Variants in NOA1 observed in about 807,000 individuals in gnomAD.
NOA1 encodes the protein nitric oxide-associated protein 1.
A neutral mutation model predicts 58.4 loss-of-function variants in NOA1; 35 were observed. That is an observed-to-expected ratio of 0.60 (90% CI 0.46 to 0.79). The LOEUF (loss-of-function observed/expected upper bound fraction) is 0.79, where lower values mean the gene tolerates loss of function less well. Ranked by LOEUF, NOA1 falls within the 30% of genes least tolerant of loss-of-function variation. NOA1 has a pLI of 0.00. For synonymous variants in NOA1, 397 were observed against 373.4 expected (o/e 1.06, Z -0.73); for missense variants, 895 against 894.6 (o/e 1.00, Z -0.01).
intron 1 of NOA1, 52 bp from the exon 2 acceptor site, chr4:56,974,074 A>ATTTGTT: frequency 8.7e-7 from 1 of 1,151,454 alleles, no homozygotes. Flanking sequence ...AGGGGGAAGA[A>ATTTGTT]AATGAACATT....
At position 56,977,577 on chromosome 4, in the gene NOA1, G is replaced by C. The variant is rs763229987; in HGVS notation, c.9C>G (p.Pro3=). The change falls in exon 1 of 7, where the codon CCC becomes CCG. Residue 3 remains proline, a synonymous_variant. Transcript: ENST00000264230. ...TCAGCAGCCTGAACGGTAGGCGAGC[G>C]GGCAGCATGAGGAAGTAGCTCCAAA... The part of the protein sequence containing the change: ML[P]ARLPFRLLSL... The C allele has an allele frequency of 2.5e-6, 4 of 1,584,680 alleles. No individual in the cohort carries two copies. The highest frequency in any genetic ancestry group is 3.4e-6 in the Non-Finnish European group (4 of 1,164,416).
At position 56,976,847 on chromosome 4, in the gene NOA1, C is replaced by T. The variant is rs556714564; in HGVS notation, c.739G>A (p.Gly247Arg). The change falls in exon 1 of 7, where the codon GGA (glycine) becomes AGA (arginine). Residue 247 changes from glycine to arginine, a missense_variant. By Grantham distance (125) the Gly-to-Arg change is moderately radical (BLOSUM62 -2). Coordinates refer to ENST00000264230, the MANE Select transcript of NOA1 (RefSeq NM_032313.4). Reference protein sequence around the residue: ...LVGPKQLIVLGNKVDLLPQDA... With the variant: ...LVGPKQLIVLRNKVDLLPQDA... ...TGGGGCAGGAGGTCCACTTTGTTTC[C>T]CAGCACGATCAGCTGCTTGGGGCCC... The T allele has an allele frequency of 6.2e-7, 1 of 1,613,172 alleles. No individual in the cohort carries two copies. Among genetic ancestry groups the T allele is most frequent in the East Asian group, 2.2e-5 (1 of 44,846 alleles).
Position 56,968,527 on chromosome 4 carries a change from A to C in NOA1, c.1516-12T>G. Reference sequence around the variant, plus strand: ...AGAAGATTTAAAATCTGTGAAGCAAATGGCAGATTTTTAAGAAAATACTTT... The same window carrying C: ...AGAAGATTTAAAATCTGTGAAGCAACTGGCAGATTTTTAAGAAAATACTTT... On this transcript the variant is annotated splice_polypyrimidine_tract_variant and intron_variant, in intron 3 of 6. Transcript: ENST00000264230. The C allele has an allele frequency of 6.4e-7, 1 of 1,553,630 alleles. No homozygotes were observed.
At chr4:56,973,499 C>A in intron 2 of NOA1, 146 bp from the exon 3 acceptor site, 1 of 707,640 alleles carries the variant, frequency 1.4e-6, no homozygotes, top group Non-Finnish European at 2.3e-6. Flanking sequence ...TTTTTTTTTC[C>A]AAAAAGCAGT....
At position 56,976,481 on chromosome 4, in the gene NOA1, A is replaced by G; in HGVS notation, c.1105T>C (p.Ser369Pro). ...ATGGTGGCTCTGTCGATGGCCTCGG[A>G]GCCCTTGGCAGTGCAGTAATCGGAC... ...LESDYCTAKG[S>P]EAIDRATISP... The change falls in exon 1 of 7, where the codon TCC becomes CCC. Residue 369 changes from serine (S) to proline (P), a missense_variant. Ser to Pro is a moderately conservative substitution (Grantham distance 74, BLOSUM62 -1). Transcript: ENST00000264230. 1.2e-6 allele frequency: 2 copies of G among 1,614,098 alleles called. No individual in the cohort carries two copies. Among genetic ancestry groups the G allele is most frequent in the Non-Finnish European group, 1.7e-6 (2 of 1,179,948 alleles).
chr4:56,966,824 C>A, intron 4 of NOA1, 88 bp from the exon 5 acceptor site: 1 of 819,862 alleles, frequency 1.2e-6, no homozygotes, highest in Non-Finnish European at 2.0e-6. Flanking sequence ...AAAAACAAAC[C>A]AAAAAACAAA....
rs770200777 is a variant in NOA1, at chr4:56,977,148, T to C, written c.438A>G (p.Ala146=). Residue 146 remains alanine (A), a synonymous_variant, in exon 1 of 7, where the codon GCA becomes GCG. Transcript: ENST00000264230. The stretch of plus-strand genomic sequence containing the variant: ...CTCCGGCGTCCTGGCAGTGCAGCTC[T>C]GCCCCACAGCCCGAGCAGTTCACGC... ...PSGVNCSGCG[A]ELHCQDAGVP... 18 of 1,557,316 alleles carry C rather than the reference T, an allele frequency of 1.2e-5. No homozygotes were observed. The highest frequency in any genetic ancestry group is 1.5e-5 in the Non-Finnish European group (17 of 1,156,070).
At chr4:56,971,741 G>C (rs545059018) in intron 3 of NOA1, among the ~76,000 whole-genome samples, 11 of 152,106 alleles carry the variant, frequency 7.2e-5, no homozygotes, top group Non-Finnish European at 1.6e-4. Context: ...AATATAAAAA[G>C]TAATGAGATT....
rs745887321 is a variant in NOA1 at position 56,976,774 on chromosome 4, T to C, written c.812A>G (p.Asp271Gly). 4 of 1,610,174 alleles carry C rather than the reference T, an allele frequency of 2.5e-6. No individual in the cohort carries two copies. The South Asian group carries it at 4.4e-5, about 18-fold the overall frequency. Residue 271 changes from aspartate (D) to glycine (G), a missense_variant, in exon 1 of 7, where the codon GAC becomes GGC. Physicochemically the swap from Asp to Gly is moderately conservative, Grantham distance 94. Coordinates refer to ENST00000264230, the MANE Select transcript of NOA1 (RefSeq NM_032313.4). ...CAGCAGGAGCCCGGCGCGGGCACAG[T>C]CCTCCCACAGTCGCTCCCGCAGCCT... The part of the protein sequence containing the change: ...RQRLRERLWE[D>G]CARAGLLLAP...
Position 56,963,380 on chromosome 4 carries a change from T to C in NOA1, c.*70A>G. 1 of 1,259,660 alleles carries C rather than the reference T, an allele frequency of 7.9e-7. No homozygotes were observed. The highest frequency in any genetic ancestry group is 1.3e-5 in the South Asian group (1 of 78,940). 78.0% of individuals were successfully genotyped at this position (1,259,660 alleles called of 1,614,324 possible). A position where few individuals can be genotyped will look rare whatever the true frequency, so the allele number is the denominator to read the frequency against. ...ATGGGAGCTTTATTTATGCGTTATA[T>C]GTTTAATACAAATTCAATGTATTTT... On this transcript the variant is annotated 3_prime_UTR_variant, in exon 7 of 7. Coordinates refer to ENST00000264230, the MANE Select transcript of NOA1 (RefSeq NM_032313.4).
intron 5 of NOA1, among the ~76,000 whole-genome samples, chr4:56,965,003 ATT>A (rs36105039): frequency 6.0e-4 from 89 of 148,270 alleles, no homozygotes; most frequent in African/African-American, 1.4e-3. Context: ...TAATTGAGTA[ATT>A]TTTTTTTTTT....
chr4:56,968,322 G>C, intron 4 of NOA1, 62 bp downstream of exon 4: 1 of 1,499,136 alleles, frequency 6.7e-7, no homozygotes, highest in Non-Finnish European at 9.1e-7. Flanking sequence ...TCATACATCT[G>C]CTTCCTTAAA....
At chr4:56,963,958 T>C (rs1271177046) in intron 6 of NOA1, among the ~76,000 whole-genome samples, 1 of 152,116 alleles carries the variant, frequency 6.6e-6, no homozygotes, top group Non-Finnish European at 1.5e-5. Flanking sequence ...ATTTTCAGAA[T>C]AGGTTGTATT....
chr4:56,976,436 A>G lies in NOA1; in HGVS notation c.1144+6T>C. ...AAACGAAGAGGGCGAGCCTCCTAAA[A>G]CTCACCTGGCCAAGGGGAGATGGTG... On this transcript the variant is annotated splice_donor_region_variant and intron_variant, in intron 1 of 6. Transcript: ENST00000264230. 8 of 1,609,664 alleles carry G rather than the reference A, an allele frequency of 5.0e-6. No homozygotes were observed. Among genetic ancestry groups the G allele is most frequent in the Non-Finnish European group, 6.8e-6 (8 of 1,176,746 alleles).
chr4:56,976,252 A>G (rs1282414409), intron 1 of NOA1, among the ~76,000 whole-genome samples, 190 bp downstream of exon 1: 1 of 152,136 alleles, frequency 6.6e-6, no homozygotes, highest in African/African-American at 2.4e-5. Context: ...TTACTACAAC[A>G]CATCCTCAAT....
At chr4:56,971,933 G>C (rs568498028) in intron 3 of NOA1, among the ~76,000 whole-genome samples, 1 of 149,478 alleles carries the variant, frequency 6.7e-6, no homozygotes, top group African/African-American at 2.5e-5. Context: ...CTGTCACCCA[G>C]ACTGGAGTGC....
intron 4 of NOA1, 74 bp downstream of exon 4, chr4:56,968,310 G>C: frequency 7.1e-7 from 1 of 1,416,768 alleles, no homozygotes. Context: ...TGTCAGTCGT[G>C]TTCATACATC....
intron 5 of NOA1, among the ~76,000 whole-genome samples, chr4:56,966,116 G>A (rs1334444354): frequency 2.1e-5 from 3 of 140,714 alleles, no homozygotes; most frequent in Non-Finnish European, 4.5e-5. Flanking sequence ...AACCTCTGCC[G>A]CTCTGGTTCA....
Position 56,977,327 on chromosome 4 carries a change from G to C in NOA1, c.259C>G (p.Arg87Gly). The C allele has an allele frequency of 6.2e-7, 1 of 1,614,168 alleles. No homozygotes were observed. Among genetic ancestry groups the C allele is most frequent in the Non-Finnish European group, 8.5e-7 (1 of 1,180,030 alleles). Residue 87 changes from arginine (R) to glycine (G), a missense_variant, in exon 1 of 7, where the codon CGC becomes GGC. This residue lies in a region of NOA1 where 680 missense variants were observed against 656.5 expected (regional missense o/e 1.04). Transcript: ENST00000264230. ...TGGAGCTCCTGCAGCTGCTTTTCGC[G>C]GGTGGGTTGCGGCTCCGGATCCAGG... ...YILDPEPQPT[R>G]EKQLQELQQQ... is the part of the protein sequence containing the mutation.
Sources: allele counts gnomAD v4.1 joint callset (sites outside exome capture counted in the v4.1 genomes callset), GRCh38; gene constraint gnomAD v4.1.1; regional missense constraint gnomAD v4.1.1; transcripts MANE v1.5; gene names NCBI Gene and HGNC (gene_info 2026-07-23, HGNC 2026-07-21).